SHISA9: variants seen among roughly 807,000 people sequenced by gnomAD.
SHISA9 encodes the protein shisa family member 9, also known as protein shisa-9.
A neutral mutation model predicts 38.0 loss-of-function variants in SHISA9; 13 were observed. The observed-to-expected ratio is 0.34, with a 90% CI of 0.22 to 0.54. The LOEUF (loss-of-function observed/expected upper bound fraction) is 0.54. Ranked by LOEUF, SHISA9 falls within the 20% of genes least tolerant of loss-of-function variation. SHISA9 has a pLI of 0.91. For missense variants in SHISA9, 538 were observed against 575.8 expected (o/e 0.93, Z 0.67); for synonymous variants, 275 against 242.0 (o/e 1.14, Z -1.27).
chr16:13,019,580 T>G (rs1379643184), intron 2 of SHISA9, among the ~76,000 whole-genome samples: 1 of 152,138 alleles, frequency 6.6e-6, no homozygotes, highest in Non-Finnish European at 1.5e-5. Context: ...TGCAGTGTTG[T>G]GCAACTGTCA....
chr16:13,462,308 T>C, the SHISA9 span, among the ~76,000 whole-genome samples: 3 of 151,220 alleles, frequency 2.0e-5, no homozygotes, highest in African/African-American at 7.3e-5. Flanking sequence ...CTCATTCAGG[T>C]TGGAGAAGGA....
At chr16:13,170,937 G>A (rs560801889) in intron 2 of SHISA9, among the ~76,000 whole-genome samples, 24 of 152,024 alleles carry the variant, frequency 1.6e-4, no homozygotes, top group Non-Finnish European at 3.1e-4. Context: ...GATTACAGGC[G>A]TCAACCACCG....
chr16:13,287,686 C>T, the SHISA9 span, among the ~76,000 whole-genome samples: 1 of 152,104 alleles, frequency 6.6e-6, no homozygotes, highest in Non-Finnish European at 1.5e-5. Context: ...GGAATAGCAT[C>T]ATCAGGTTTT....
the SHISA9 span, among the ~76,000 whole-genome samples, chr16:13,380,317 T>A: frequency 2.0e-5 from 3 of 152,186 alleles, no homozygotes; most frequent in Admixed American, 2.0e-4. Context: ...CAAATCAGGA[T>A]GTATCATCAT....
chr16:12,977,289 A>G (rs751717557), intron 2 of SHISA9, among the ~76,000 whole-genome samples: 6 of 152,234 alleles, frequency 3.9e-5, no homozygotes, highest in Non-Finnish European at 8.8e-5. Context: ...AGGGGGAAGA[A>G]GTGGTGATGG....
the SHISA9 span, among the ~76,000 whole-genome samples, chr16:13,559,255 C>G: frequency 6.6e-6 from 1 of 152,158 alleles, no homozygotes; most frequent in Non-Finnish European, 1.5e-5. Context: ...AGAGAACTGT[C>G]AACCACTGCC....
At chr16:13,393,413 A>T in the SHISA9 span, among the ~76,000 whole-genome samples, 1 of 152,130 alleles carries the variant, frequency 6.6e-6, no homozygotes, top group Non-Finnish European at 1.5e-5. Flanking sequence ...ATCAGATCCC[A>T]TCTACTTTGT....
the SHISA9 span, among the ~76,000 whole-genome samples, chr16:13,335,853 C>A: frequency 1.3e-5 from 2 of 152,126 alleles, no homozygotes; most frequent in African/African-American, 2.4e-5. Context: ...TGCCTTGTAC[C>A]CCCTGGTGTC....
At chr16:13,064,492 G>A (rs1161219729) in intron 2 of SHISA9, among the ~76,000 whole-genome samples, 3 of 152,042 alleles carry the variant, frequency 2.0e-5, no homozygotes, top group East Asian at 1.9e-4. Flanking sequence ...AATAATACAA[G>A]AATTTTAAAC....
chr16:13,066,334 A>G (rs1448419444), intron 2 of SHISA9, among the ~76,000 whole-genome samples: 1 of 152,212 alleles, frequency 6.6e-6, no homozygotes, highest in East Asian at 1.9e-4. Flanking sequence ...TGACTGATAC[A>G]ATAGCATCTT....
the SHISA9 span, among the ~76,000 whole-genome samples, chr16:13,487,886 T>C: frequency 4.1e-4 from 63 of 152,302 alleles, no homozygotes; most frequent in African/African-American, 1.5e-3. Flanking sequence ...ACAGTTTGGG[T>C]TGGGCCAATG....
At chr16:13,434,156 G>A in the SHISA9 span, among the ~76,000 whole-genome samples, 4 of 152,120 alleles carry the variant, frequency 2.6e-5, no homozygotes, top group African/African-American at 7.2e-5. Context: ...CATCCGGCAC[G>A]GGAGAAAGAT....
At chr16:12,970,408 T>TATGTATATATATAC (rs1555504252) in intron 2 of SHISA9, among the ~76,000 whole-genome samples, 1 of 5,002 alleles carries the variant, frequency 2.0e-4, no homozygotes, top group Non-Finnish European at 6.0e-4. Context: ...TATATACATA[T>TATGTATATATATAC]ATATATATAC....
At chr16:13,541,817 G>A in the SHISA9 span, among the ~76,000 whole-genome samples, 2 of 152,120 alleles carry the variant, frequency 1.3e-5, no homozygotes, top group Admixed American at 6.5e-5. Context: ...CACTCAAAGA[G>A]GATAATAAAC....
the SHISA9 span, among the ~76,000 whole-genome samples, chr16:13,256,530 T>A: frequency 1.3e-5 from 2 of 152,188 alleles, no homozygotes; most frequent in Admixed American, 1.3e-4. Flanking sequence ...TCCGCCCACC[T>A]CGGCCTACTA....
chr16:13,489,626 C>T, the SHISA9 span, among the ~76,000 whole-genome samples: 7 of 152,300 alleles, frequency 4.6e-5, no homozygotes, highest in East Asian at 1.3e-3. Context: ...TTTCACTTGG[C>T]TCTCATTCAT....
chr16:13,245,063 G>A (rs1481619877), downstream of SHISA9, among the ~76,000 whole-genome samples: 3 of 152,040 alleles, frequency 2.0e-5, no homozygotes, highest in African/African-American at 7.2e-5. Context: ...CTACAGGTAC[G>A]TGCCACCATG....
At chr16:12,960,621 A>C (rs1032047666) in intron 2 of SHISA9, among the ~76,000 whole-genome samples, 4 of 152,220 alleles carry the variant, frequency 2.6e-5, no homozygotes, top group African/African-American at 9.6e-5. Flanking sequence ...TTGCAGGGAC[A>C]TGGACGGAGC....
chr16:13,066,214 G>A (rs1314470595), intron 2 of SHISA9, among the ~76,000 whole-genome samples: 1 of 152,214 alleles, frequency 6.6e-6, no homozygotes, highest in Admixed American at 6.5e-5. Flanking sequence ...CGTGACTACA[G>A]TGGAAATATC....
Sources: allele counts gnomAD v4.1 joint callset (sites outside exome capture counted in the v4.1 genomes callset), GRCh38; gene constraint gnomAD v4.1.1; transcripts MANE v1.5; gene names NCBI Gene and HGNC (gene_info 2026-07-23, HGNC 2026-07-21).